FHL2: variants seen among roughly 807,000 people sequenced by gnomAD.
FHL2 encodes the protein four and a half LIM domains protein 2.
In FHL2, 20 loss-of-function variants were observed where a neutral mutation model predicts 32.7. That is an observed-to-expected ratio of 0.61 (90% CI 0.43 to 0.89). FHL2 has a LOEUF of 0.89. Ranked by LOEUF, FHL2 falls within the 40% of genes least tolerant of loss-of-function variation. The pLI, the probability that FHL2 is intolerant of heterozygous loss-of-function variation, is 0.00. For synonymous variants in FHL2, 123 were observed against 128.1 expected, an observed-to-expected ratio of 0.96 and a Z score of 0.27; for missense variants, 311 against 358.6, an observed-to-expected ratio of 0.87 and a Z score of 1.07.
intron 4 of FHL2, among the ~76,000 whole-genome samples, chr2:105,369,863 A>G (rs1680898600): frequency 6.6e-6 from 1 of 152,192 alleles, no homozygotes; most frequent in Non-Finnish European, 1.5e-5. Context: ...GGGCAACTCT[A>G]CGTGCAGGGA....
intron 3 of FHL2, among the ~76,000 whole-genome samples, chr2:105,381,709 A>G (rs1345719450): frequency 6.6e-6 from 1 of 152,200 alleles, no homozygotes; most frequent in Admixed American, 6.5e-5. Context: ...AGGAAATCCA[A>G]ATAAATACGC....
intron 3 of FHL2, chr2:105,376,542 G>A (rs1385862444): frequency 6.6e-6 from 1 of 152,192 alleles, no homozygotes; most frequent in Non-Finnish European, 1.5e-5. Context: ...TTTTATTCAT[G>A]TTATCACTGT....
chr2:105,438,412 G>T, exon 1 of FHL2: 1 of 985,556 alleles, frequency 1.0e-6, no homozygotes, highest in Non-Finnish European at 1.2e-6. Context: ...TGGTTTTAGG[G>T]TTCTGTCTTC....
At chr2:105,413,529 A>G (rs1683854268) in intron 1 of FHL2, among the ~76,000 whole-genome samples, 1 of 152,088 alleles carries the variant, frequency 6.6e-6, no homozygotes. Flanking sequence ...GCTGGAGTAC[A>G]GTGGCATGTT....
downstream of FHL2, chr2:105,358,675 CTT>C (rs1680106112): frequency 6.6e-6 from 1 of 152,180 alleles, no homozygotes; most frequent in African/African-American, 2.4e-5. Flanking sequence ...TTTTCAGAGA[CTT>C]TGTGTTGTGT....
In FHL2 at chr2:105,363,332, C is replaced by G. The variant is rs764275604; in HGVS notation, c.641G>C (p.Cys214Ser). Residue 214 changes from cysteine to serine, a missense_variant, in exon 6 of 7, where the codon TGT (cysteine) becomes TCT (serine). By Grantham distance (112) the Cys-to-Ser change is moderately radical (BLOSUM62 -1). Coordinates refer to ENST00000530340, the MANE Select transcript of FHL2 (RefSeq NM_001318895.3). ...DDFAYCLNCF[C>S]DLYAKKCAGC... ...AGCACACTTCTTGGCATACAAGTCA[C>G]AGAAGCAGTTCAGGCAGTAGGCAAA... 6.2e-7 allele frequency: 1 copy of G among 1,614,206 alleles called. No individual in the cohort carries two copies. Among genetic ancestry groups the G allele is most frequent in the African/African-American group, 1.3e-5 (1 of 75,060 alleles).
At chr2:105,363,556 G>A in intron 5 of FHL2, 85 bp from the exon 6 acceptor site, 1 of 1,281,554 alleles carries the variant, frequency 7.8e-7, no homozygotes, top group Non-Finnish European at 1.1e-6. Flanking sequence ...GACGATGCAA[G>A]ATCCTCATCC....
chr2:105,398,312 A>G (rs967416291), intron 1 of FHL2, among the ~76,000 whole-genome samples: 20 of 152,266 alleles, frequency 1.3e-4, no homozygotes, highest in African/African-American at 4.8e-4. Flanking sequence ...TTTCATTTAA[A>G]ATAAGCCATT....
At chr2:105,407,832 C>G (rs1030540175) in intron 1 of FHL2, among the ~76,000 whole-genome samples, 2 of 152,172 alleles carry the variant, frequency 1.3e-5, no homozygotes, top group African/African-American at 4.8e-5. Context: ...AGGCCTTAAT[C>G]GCAGAGAAGG....
downstream of FHL2, chr2:105,359,177 T>A (rs1360054077): frequency 1.3e-4 from 20 of 150,840 alleles, no homozygotes. Context: ...ATTGGAGCTA[T>A]TTACTAGAAG....
rs1056733051 is a variant in FHL2 at position 105,398,976 on chromosome 2, G to A, written c.-210C>T. On this transcript the variant is annotated 5_prime_UTR_variant, in exon 1 of 7. Transcript: ENST00000530340. ...GGGGGTTGGAGGTACTCACGGCACC[G>A]CAGCGGGCCGGGGACTCCCGGACGG... 2.6e-6 allele frequency: 4 copies of A among 1,518,046 alleles called. No homozygotes were observed. Among genetic ancestry groups the A allele is most frequent in the Admixed American group, 4.4e-5 (2 of 45,590 alleles). The allele number at this position is 1,518,046 out of a possible 1,614,324, so 94.0% of individuals were successfully genotyped here. A position where few individuals can be genotyped will look rare whatever the true frequency, so the allele number is the denominator to read the frequency against.
chr2:105,358,208 A>T (rs1680090065), downstream of FHL2: 1 of 152,214 alleles, frequency 6.6e-6, no homozygotes, highest in Non-Finnish European at 1.5e-5. Context: ...TTAGGCAAAG[A>T]TTTCTCGTTC....
intron 3 of FHL2, among the ~76,000 whole-genome samples, chr2:105,377,108 T>G (rs1246314011): frequency 6.6e-6 from 1 of 152,170 alleles, no homozygotes; most frequent in Non-Finnish European, 1.5e-5. Context: ...TTGGCGATGA[T>G]CTTGAGCAGT....
chr2:105,404,993 A>G (rs1019769881), intron 1 of FHL2, among the ~76,000 whole-genome samples: 3 of 152,106 alleles, frequency 2.0e-5, no homozygotes, highest in Non-Finnish European at 2.9e-5. Context: ...TGGCTTTGAT[A>G]CCTCTTTAAG....
intron 1 of FHL2, among the ~76,000 whole-genome samples, chr2:105,398,585 G>A (rs769158575): frequency 5.9e-5 from 9 of 152,324 alleles, no homozygotes; most frequent in Non-Finnish European, 7.4e-5. Flanking sequence ...CCCACCTGGT[G>A]AGGACGCGGG....
intron 1 of FHL2, 49 bp from the exon 2 acceptor site, chr2:105,396,746 G>C: frequency 6.4e-7 from 1 of 1,565,672 alleles, no homozygotes; most frequent in African/African-American, 1.3e-5. Flanking sequence ...TTGAGGAAGC[G>C]AACTCAGTAT....
intron 1 of FHL2, among the ~76,000 whole-genome samples, chr2:105,414,009 A>G (rs1173872627): frequency 1.3e-5 from 2 of 152,212 alleles, no homozygotes. Context: ...GCCGCTTGCA[A>G]ATAGTAGGTT....
At chr2:105,430,210 C>A (rs78676196) in intron 1 of FHL2, among the ~76,000 whole-genome samples, 2 of 152,194 alleles carry the variant, frequency 1.3e-5, no homozygotes, top group Non-Finnish European at 2.9e-5. Flanking sequence ...GCAAACGACA[C>A]CCCAAAGTGT....
intron 3 of FHL2, 166 bp downstream of exon 3, chr2:105,386,195 C>A: frequency 1.5e-6 from 1 of 658,554 alleles, no homozygotes; most frequent in East Asian, 2.8e-5. Context: ...AGATCACATT[C>A]GCTAGAGGGA....
Sources: allele counts gnomAD v4.1 joint callset (sites outside exome capture counted in the v4.1 genomes callset), GRCh38; gene constraint gnomAD v4.1.1; transcripts MANE v1.5; gene names NCBI Gene and HGNC (gene_info 2026-07-23, HGNC 2026-07-21).